Variants in UPP2 observed in about 807,000 individuals in gnomAD.
UPP2 encodes UPase 2.
A neutral mutation model predicts 26.7 loss-of-function variants in UPP2; 23 were observed. The ratio of observed to expected loss-of-function variants is 0.86; its 90% CI spans 0.62 to 1.22. The LOEUF (loss-of-function observed/expected upper bound fraction) is 1.22, where lower values mean the gene tolerates loss of function less well. UPP2 is among the 50% of genes most tolerant of loss of function. UPP2 has a pLI of 0.00. For synonymous variants in UPP2, 127 were observed against 141.3 expected (o/e 0.90, Z 0.72); for missense variants, 387 against 396.7 (o/e 0.98, Z 0.21).
chr2:158,128,026 T>C (rs1683730800), intron 6 of UPP2: 1 of 985,152 alleles, frequency 1.0e-6, no homozygotes, highest in Non-Finnish European at 1.2e-6. Flanking sequence ...TCTTGTACTG[T>C]GAACTTGTGG....
chr2:158,014,380 T>C (rs1051361398), intron 2 of UPP2, among the ~76,000 whole-genome samples: 8 of 152,206 alleles, frequency 5.3e-5, no homozygotes, highest in Middle Eastern at 3.2e-3. Context: ...AGTGGGTCTG[T>C]AGAACTGGCC....
upstream of UPP2, among the ~76,000 whole-genome samples, chr2:158,098,541 G>T (rs1683023304): frequency 6.6e-6 from 1 of 152,140 alleles, no homozygotes; most frequent in Non-Finnish European, 1.5e-5. Flanking sequence ...TGAGAAAACA[G>T]CGGACAATGC....
chr2:158,045,847 T>TCTTG (rs900161646), intron 3 of UPP2, among the ~76,000 whole-genome samples: 1 of 152,016 alleles, frequency 6.6e-6, no homozygotes, highest in Non-Finnish European at 1.5e-5. Flanking sequence ...AGAGGCTAGA[T>TCTTG]CGCAAGTGGT....
At chr2:158,114,442 G>A (rs1191394814) in intron 2 of UPP2, among the ~76,000 whole-genome samples, 3 of 152,128 alleles carry the variant, frequency 2.0e-5, no homozygotes, top group Admixed American at 6.5e-5. Flanking sequence ...ACCGTTGACT[G>A]CAACACCTAT....
intron 3 of UPP2, among the ~76,000 whole-genome samples, chr2:158,071,985 C>G (rs141075563): frequency 6.6e-6 from 1 of 152,214 alleles, no homozygotes; most frequent in Admixed American, 6.5e-5. Context: ...ACCTTAGGTA[C>G]GTATTTGGCT....
chr2:158,134,229 T>C (rs904783982), intron 6 of UPP2, among the ~76,000 whole-genome samples: 29 of 152,336 alleles, frequency 1.9e-4, no homozygotes, highest in Admixed American at 7.8e-4. Flanking sequence ...TCACGTTTAT[T>C]GGTATTTCCT....
In UPP2 at chr2:158,134,691, C is replaced by CT. The variant is rs1382333803; in HGVS notation, c.812-55dup. 4 of 1,516,444 alleles carry CT rather than the reference C, an allele frequency of 2.6e-6. No homozygotes were observed. The African/African-American group carries it at 4.2e-5, about 16-fold the overall frequency. 93.9% of individuals were successfully genotyped at this position (1,516,444 alleles called of 1,614,324 possible). The stretch of plus-strand genomic sequence containing the variant: ...GGGATGCTGGTGTGTTTGGCTAATG[C>CT]TTCTATAGAAAAGATGAACCCATTC... On this transcript the variant is annotated intron_variant, in intron 6 of 6. Coordinates refer to ENST00000005756, the MANE Select transcript of UPP2 (RefSeq NM_173355.4).
intron 3 of UPP2, among the ~76,000 whole-genome samples, chr2:158,061,954 G>A (rs1320675756): frequency 6.6e-6 from 1 of 152,230 alleles, no homozygotes; most frequent in African/African-American, 2.4e-5. Context: ...CCAGCGACAG[G>A]CATGTTGCAT....
At position 158,115,276 on chromosome 2, in the gene UPP2, G is replaced by A; in HGVS notation, c.339+17G>A. ...GCCATCAGTGTAAGTATCCATGGTT[G>A]CATTTCAGCTAGTCATTGCAGGCTA... On this transcript the variant is annotated intron_variant, in intron 3 of 6. Coordinates refer to ENST00000005756, the MANE Select transcript of UPP2 (RefSeq NM_173355.4). 1 of 1,583,322 alleles carries A rather than the reference G, an allele frequency of 6.3e-7. No homozygotes were observed. The highest frequency in any genetic ancestry group is 8.6e-7 in the Non-Finnish European group (1 of 1,165,180).
At chr2:158,008,979 T>TC (rs1259362172) in intron 2 of UPP2, among the ~76,000 whole-genome samples, 2 of 152,174 alleles carry the variant, frequency 1.3e-5, no homozygotes, top group African/African-American at 4.8e-5. Flanking sequence ...GTGCTTTTTC[T>TC]CCCCTCTTTA....
At chr2:158,112,934 G>A (rs1027385699) in intron 2 of UPP2, among the ~76,000 whole-genome samples, 8 of 152,124 alleles carry the variant, frequency 5.3e-5, no homozygotes, top group African/African-American at 1.9e-4. Flanking sequence ...GATAAAACCA[G>A]GACAATTGAT....
chr2:158,095,665 A>G (rs13401709), intron 3 of UPP2, among the ~76,000 whole-genome samples: 4,065 of 152,270 alleles, frequency 0.027, 180 homozygotes, highest in African/African-American at 0.09. Flanking sequence ...TGGGGAAATA[A>G]TAATACCTAT....
chr2:158,132,030 GAGA>G (rs1488348903), intron 6 of UPP2, among the ~76,000 whole-genome samples: 2 of 152,222 alleles, frequency 1.3e-5, no homozygotes, highest in Non-Finnish European at 2.9e-5. Context: ...TGAAGGATTA[GAGA>G]AGGACTTTCA....
At chr2:158,067,371 A>T (rs1180487910) in intron 3 of UPP2, among the ~76,000 whole-genome samples, 3 of 102,182 alleles carry the variant, frequency 2.9e-5, no homozygotes, top group African/African-American at 6.8e-5. Flanking sequence ...ATTTATCATC[A>T]AAAAAAAAAA....
intron 3 of UPP2, among the ~76,000 whole-genome samples, chr2:158,062,574 A>G (rs936073221): frequency 2.6e-5 from 4 of 152,182 alleles, no homozygotes; most frequent in Non-Finnish European, 5.9e-5. Context: ...GTCCAGCACT[A>G]TCTACCCTAC....
At chr2:158,022,871 G>A (rs1430452393) in intron 3 of UPP2, among the ~76,000 whole-genome samples, 1 of 152,202 alleles carries the variant, frequency 6.6e-6, no homozygotes, top group African/African-American at 2.4e-5. Context: ...GGCAGCCACA[G>A]ATCTTCCATT....
chr2:158,134,964 T>C lies in UPP2; in HGVS notation c.*74T>C, dbSNP rs529974894. The C allele has an allele frequency of 7.4e-6, 11 of 1,485,562 alleles. No individual in the cohort carries two copies. The African/African-American group carries it at 1.4e-4, about 19-fold the overall frequency. 92.0% of individuals were successfully genotyped at this position (1,485,562 alleles called of 1,614,324 possible). A position where few individuals can be genotyped will look rare whatever the true frequency, so the allele number is the denominator to read the frequency against. On this transcript the variant is annotated 3_prime_UTR_variant, in exon 7 of 7. Transcript: ENST00000005756. ...GTTGTAATGTGAAAGTCATATTTTA[T>C]TTGTGGCATTTTTATATAGTTCTCA...
In UPP2 at chr2:158,068,464, CA is replaced by C. The variant is rs369865975; in HGVS notation, c.148-33573del. On this transcript the variant is annotated intron_variant, in intron 3 of 9. Transcript: ENST00000605860. Reference sequence around the variant, plus strand: ...CAAAATCTGTGCAATACAAACAGCCCAAATTCAAAGCAAATGTTTGAGAAAA... The same window carrying C: ...CAAAATCTGTGCAATACAAACAGCCCAATTCAAAGCAAATGTTTGAGAAAA... 1.3e-3 allele frequency among the ~76,000 whole-genome samples: 201 copies of C among 152,018 alleles called. 1 individual carries two copies. Among genetic ancestry groups the C allele is most frequent in the African/African-American group, 4.2e-3 (174 of 41,498 alleles).
At chr2:158,087,584 A>G (rs929227670) in intron 3 of UPP2, among the ~76,000 whole-genome samples, 1 of 152,108 alleles carries the variant, frequency 6.6e-6, no homozygotes, top group Non-Finnish European at 1.5e-5. Context: ...TTTGTTATAT[A>G]GATCCTGTGA....
Sources: allele counts gnomAD v4.1 joint callset (sites outside exome capture counted in the v4.1 genomes callset), GRCh38; gene constraint gnomAD v4.1.1; transcripts MANE v1.5; gene names NCBI Gene and HGNC (gene_info 2026-07-23, HGNC 2026-07-21).